Variants in OPRD1 observed in about 807,000 individuals in gnomAD.
OPRD1 encodes opioid receptor delta 1.
OPRD1 carries 19 observed loss-of-function variants against 17.5 expected under a neutral mutation model. The ratio of observed to expected loss-of-function variants is 1.09; its 90% confidence interval spans 0.76 to 1.60. OPRD1 has a LOEUF of 1.60. Ranked by LOEUF, OPRD1 falls within the 40% of genes most tolerant of loss-of-function variation. OPRD1 has a pLI of 0.00. For missense variants in OPRD1, 483 were observed against 547.2 expected, an observed-to-expected ratio of 0.88 and a Z score of 1.17; for synonymous variants, 256 against 240.9, an observed-to-expected ratio of 1.06 and a Z score of -0.58.
chr1:28,862,889 G>C lies in OPRD1; in HGVS notation c.725G>C (p.Ser242Thr). ...CYGLMLLRLR[S>T]VRLLSGSKEK... ...GGCCTCATGCTGCTGCGCCTGCGCA[G>C]TGTGCGCCTGCTGTCGGGCTCCAAG... is the stretch of plus-strand genomic sequence containing the variant. Residue 242 changes from serine (S) to threonine (T), a missense_variant, in exon 3 of 3, where the codon AGT (serine) becomes ACT (threonine). Transcript: ENST00000234961. 1.2e-6 allele frequency: 2 copies of C among 1,612,566 alleles called. No homozygotes were observed. Among genetic ancestry groups the C allele is most frequent in the South Asian group, 1.1e-5 (1 of 91,088 alleles).
At position 28,863,094 on chromosome 1, in the gene OPRD1, T is replaced by C. The variant is rs1254794408; in HGVS notation, c.930T>C (p.Asn310=). ...LHLCIALGYA[N]SSLNPVLYAF... ...TGTGCATCGCGCTGGGCTACGCCAA[T>C]AGCAGCCTCAACCCCGTGCTCTACG... The change falls in exon 3 of 3, where the codon AAT becomes AAC. Residue 310 remains asparagine, a synonymous_variant. Transcript: ENST00000234961. 20 of 1,609,878 alleles carry C rather than the reference T, an allele frequency of 1.2e-5. No homozygotes were observed. The highest frequency in any genetic ancestry group is 1.6e-5 in the Non-Finnish European group (19 of 1,178,762).
At chr1:28,837,467 A>C (rs977620893) in intron 1 of OPRD1, among the ~76,000 whole-genome samples, 4 of 151,796 alleles carry the variant, frequency 2.6e-5, no homozygotes, top group Admixed American at 6.6e-5. Context: ...GGTTAACATC[A>C]TGAAACCCTG....
At chr1:28,822,292 C>T (rs746495121) in intron 1 of OPRD1, among the ~76,000 whole-genome samples, 1 of 151,986 alleles carries the variant, frequency 6.6e-6, no homozygotes, top group Non-Finnish European at 1.5e-5. Flanking sequence ...TCAAAGCTCT[C>T]CAAGAAGGTA....
chr1:28,835,205 C>A (rs1049846927), intron 1 of OPRD1, among the ~76,000 whole-genome samples: 1 of 152,176 alleles, frequency 6.6e-6, no homozygotes, highest in Non-Finnish European at 1.5e-5. Context: ...TGCCTGCTGC[C>A]CCATCCCTGG....
rs190925308 is a variant in OPRD1 at position 28,816,291 on chromosome 1, G to T, written c.227+3681G>T. ...GGGCTATCTGTGAAAGTATGTGGGGGATTTGGGAGCCCATGATGGGGGCAG... is the reference window on the plus strand; with the variant it reads ...GGGCTATCTGTGAAAGTATGTGGGGTATTTGGGAGCCCATGATGGGGGCAG... On this transcript the variant is annotated intron_variant, in intron 1 of 2. Coordinates refer to ENST00000234961, the MANE Select transcript of OPRD1 (RefSeq NM_000911.4). Among the ~76,000 whole-genome samples, 1,162 of 152,200 alleles carry T rather than the reference G, an allele frequency of 7.6e-3. 12 individuals are homozygous for T. The highest frequency in any genetic ancestry group is 0.024 in the African/African-American group (1,010 of 41,520).
At chr1:28,852,315 T>C (rs1194888091) in intron 1 of OPRD1, among the ~76,000 whole-genome samples, 1 of 152,132 alleles carries the variant, frequency 6.6e-6, no homozygotes, top group Non-Finnish European at 1.5e-5. Flanking sequence ...TCTTTTGGAA[T>C]GTTTGAGGAG....
At chr1:28,836,593 C>A (rs1343223543) in intron 1 of OPRD1, among the ~76,000 whole-genome samples, 2 of 152,102 alleles carry the variant, frequency 1.3e-5, no homozygotes, top group Admixed American at 1.3e-4. Context: ...GTGCTCCCTC[C>A]GAAGGCTCCG....
At chr1:28,824,439 G>A (rs1272726402) in intron 1 of OPRD1, among the ~76,000 whole-genome samples, 4 of 147,788 alleles carry the variant, frequency 2.7e-5, no homozygotes, top group African/African-American at 7.4e-5. Flanking sequence ...TCGGCTTCCC[G>A]AGTAGCTGGG....
At chr1:28,828,688 A>T (rs1270337050) in intron 1 of OPRD1, among the ~76,000 whole-genome samples, 1 of 37,788 alleles carries the variant, frequency 2.6e-5, no homozygotes, top group African/African-American at 6.5e-5. Flanking sequence ...TCGATCTCTT[A>T]AAAAAAAAAA....
In OPRD1 at chr1:28,865,704, A is replaced by G. The variant is rs1288784875; in HGVS notation, c.*2421A>G. On this transcript the variant is annotated 3_prime_UTR_variant, in exon 3 of 3. Transcript: ENST00000234961. The stretch of plus-strand genomic sequence containing the variant: ...CCAAGCCACCTAGATCACTCTCACT[A>G]CCTTGTGACCACAGAGACCCCTGTG... The G allele has an allele frequency of 3.3e-5, 5 of 152,134 alleles. No individual in the cohort carries two copies. The highest frequency in any genetic ancestry group is 6.5e-5 in the Admixed American group (1 of 15,282). 9.4% of individuals were successfully genotyped at this position (152,134 alleles called of 1,614,324 possible).
At chr1:28,831,354 C>T (rs2088807471) in intron 1 of OPRD1, among the ~76,000 whole-genome samples, 1 of 152,196 alleles carries the variant, frequency 6.6e-6, no homozygotes, top group East Asian at 1.9e-4. Flanking sequence ...TATTAAAATA[C>T]AAAAATTAGC....
intron 1 of OPRD1, among the ~76,000 whole-genome samples, chr1:28,830,138 A>G (rs1257364593): frequency 1.3e-5 from 2 of 152,194 alleles, no homozygotes; most frequent in East Asian, 3.9e-4. Flanking sequence ...CAGTCAGTGG[A>G]GCGGTCAGAA....
intron 1 of OPRD1, among the ~76,000 whole-genome samples, chr1:28,827,835 T>A (rs2088778664): frequency 6.6e-6 from 1 of 152,172 alleles, no homozygotes; most frequent in Non-Finnish European, 1.5e-5. Context: ...AACTATCCTC[T>A]TGCCTCAGTC....
chr1:28,814,890 A>G (rs1160941963), intron 1 of OPRD1, among the ~76,000 whole-genome samples: 2 of 152,108 alleles, frequency 1.3e-5, no homozygotes, highest in Admixed American at 6.6e-5. Flanking sequence ...CTTCAATCCT[A>G]TGGGACAGGC....
At position 28,812,343 on chromosome 1, in the gene OPRD1, G is replaced by T. The variant is rs1198026816; in HGVS notation, c.-41G>T. On this transcript the variant is annotated 5_prime_UTR_variant, in exon 1 of 3. Coordinates refer to ENST00000234961, the MANE Select transcript of OPRD1 (RefSeq NM_000911.4). The stretch of plus-strand genomic sequence containing the variant: ...CTCGCGTCGGATCCCCGCGCCCAGG[G>T]CGCACGGTGGAGAGGGACGCGGCGG... 2 of 1,265,186 alleles carry T rather than the reference G, an allele frequency of 1.6e-6. No homozygotes were observed. The highest frequency in any genetic ancestry group is 2.0e-6 in the Non-Finnish European group (2 of 999,814). 78.4% of individuals were successfully genotyped at this position (1,265,186 alleles called of 1,614,324 possible). A position where few individuals can be genotyped will look rare whatever the true frequency, so the allele number is the denominator to read the frequency against.
At chr1:28,852,059 T>G (rs1386896603) in intron 1 of OPRD1, among the ~76,000 whole-genome samples, 27 of 146,132 alleles carry the variant, frequency 1.8e-4, no homozygotes, top group African/African-American at 6.6e-4. Context: ...CCCAGCTACT[T>G]GGGAGGCTGA....
At chr1:28,832,576 C>T (rs964594396) in intron 1 of OPRD1, among the ~76,000 whole-genome samples, 1 of 151,806 alleles carries the variant, frequency 6.6e-6, no homozygotes, top group Non-Finnish European at 1.5e-5. Flanking sequence ...GTGATTGCGC[C>T]ACTGCACTCT....
chr1:28,861,110 G>A (rs1394724472), intron 2 of OPRD1, among the ~76,000 whole-genome samples: 4 of 152,140 alleles, frequency 2.6e-5, no homozygotes, highest in Admixed American at 2.6e-4. Context: ...ATACAATGAA[G>A]GTCTTGGATT....
At chr1:28,855,351 G>A (rs1241808956) in intron 1 of OPRD1, among the ~76,000 whole-genome samples, 3 of 152,186 alleles carry the variant, frequency 2.0e-5, no homozygotes, top group African/African-American at 7.2e-5. Context: ...CATCAAAGAG[G>A]CCAGTGTGTG....
Sources: allele counts gnomAD v4.1 joint callset (sites outside exome capture counted in the v4.1 genomes callset), GRCh38; gene constraint gnomAD v4.1.1; transcripts MANE v1.5; gene names NCBI Gene and HGNC (gene_info 2026-07-23, HGNC 2026-07-21).